The following GRIK3 variants were observed in gnomAD, a reference collection of about 807,000 sequenced individuals.
The protein encoded by GRIK3 is glutamate receptor ionotropic, kainate 3.
Under a neutral mutation model 102.5 loss-of-function variants are expected in GRIK3, and 29 were observed. The ratio of observed to expected loss-of-function variants is 0.28; its 90% CI spans 0.21 to 0.39. GRIK3 has a LOEUF of 0.39. GRIK3 is among the 10% of genes least tolerant of loss of function. GRIK3 has a pLI of 1.00. For synonymous variants in GRIK3, 511 were observed against 504.9 expected, an observed-to-expected ratio of 1.01 and a Z score of -0.16; for missense variants, 908 against 1,252.4, an observed-to-expected ratio of 0.73 and a Z score of 4.15.
chr1:36,872,761 C>G lies in GRIK3; in HGVS notation c.551-392G>C, dbSNP rs1270410477. Among the ~76,000 whole-genome samples the G allele has an allele frequency of 6.6e-6, 1 of 152,200 alleles. No homozygotes were observed. Among genetic ancestry groups the G allele is most frequent in the African/African-American group, 2.4e-5 (1 of 41,442 alleles). On this transcript the variant is annotated intron_variant, in intron 3 of 15. Coordinates refer to ENST00000373091, the MANE Select transcript of GRIK3 (RefSeq NM_000831.4). This position sits in a 1 kb window ranked among gnomAD's most constrained non-coding sequence, Gnocchi z 5.9. ...CTCTAACCCAGAATGGGTGTAAAGC[C>G]TTCAGGGCCTAAATCAGAGTTCACC...
intron 1 of GRIK3, among the ~76,000 whole-genome samples, chr1:37,012,534 C>A (rs1642607848): frequency 6.6e-6 from 1 of 152,138 alleles, no homozygotes; most frequent in Non-Finnish European, 1.5e-5. Context: ...ACGTGCTGGC[C>A]CAGAGTCAGA....
intron 1 of GRIK3, among the ~76,000 whole-genome samples, chr1:36,997,189 G>C (rs1438690840): frequency 6.6e-6 from 1 of 152,182 alleles, no homozygotes; most frequent in African/African-American, 2.4e-5. Flanking sequence ...ACAACCAAAA[G>C]TAGACAAATG....
At chr1:36,818,691 A>G (rs752800117) in intron 12 of GRIK3, among the ~76,000 whole-genome samples, 6 of 152,216 alleles carry the variant, frequency 3.9e-5, no homozygotes, top group African/African-American at 1.2e-4. Flanking sequence ...GGTGCCCAGG[A>G]CACATTGGGA....
chr1:37,020,637 A>G (rs1286232163), intron 1 of GRIK3, among the ~76,000 whole-genome samples: 5 of 149,586 alleles, frequency 3.3e-5, no homozygotes, highest in South Asian at 2.1e-4. Flanking sequence ...TGTGGAAAGG[A>G]AAAAAAAAAG....
At chr1:36,817,315 T>A (rs1326060011) in intron 12 of GRIK3, 38 bp from the exon 13 acceptor site, 1 of 1,378,114 alleles carries the variant, frequency 7.3e-7, no homozygotes, top group East Asian at 2.3e-5. Context: ...CCTTACAACA[T>A]CCAGACTAGC....
rs1419717611 is a variant in GRIK3 at position 36,795,798 on chromosome 1, C to G, written c.*6053G>C. 6.6e-6 allele frequency: 1 copy of G among 152,176 alleles called. No individual in the cohort carries two copies. The highest frequency in any genetic ancestry group is 1.5e-5 in the Non-Finnish European group (1 of 68,044). 9.4% of individuals were successfully genotyped at this position (152,176 alleles called of 1,614,324 possible). A position where few individuals can be genotyped will look rare whatever the true frequency, so the allele number is the denominator to read the frequency against. ...TGGCCCAGAGACCAGTGTGTGGGAA[C>G]CATGTTGAGTGGGAGTGGGGGGCGT... is the stretch of plus-strand genomic sequence containing the variant. On this transcript the variant is annotated 3_prime_UTR_variant, in exon 16 of 16. Transcript: ENST00000373091.
chr1:36,998,979 A>AGAGT, intron 1 of GRIK3, among the ~76,000 whole-genome samples: 1 of 128,296 alleles, frequency 7.8e-6, no homozygotes, highest in East Asian at 2.1e-4. Flanking sequence ...GAACTTTGGA[A>AGAGT]GTGTGTGTGT....
chr1:36,797,494 G>A lies in GRIK3; in HGVS notation c.*4357C>T, dbSNP rs370425893. The A allele has an allele frequency of 6.6e-6, 1 of 152,180 alleles. No homozygotes were observed. Among genetic ancestry groups the A allele is most frequent in the East Asian group, 1.9e-4 (1 of 5,166 alleles). The allele number at this position is 152,180 out of a possible 1,614,324, so 9.4% of individuals were successfully genotyped here. A position where few individuals can be genotyped will look rare whatever the true frequency, so the allele number is the denominator to read the frequency against. On this transcript the variant is annotated 3_prime_UTR_variant, in exon 16 of 16. Transcript: ENST00000373091. ...GGCCCTTCCATGGCAGCCAGCAGCCGGGCCACTTCCAGATGTGTCCACTTG... is the reference window on the plus strand; with the variant it reads ...GGCCCTTCCATGGCAGCCAGCAGCCAGGCCACTTCCAGATGTGTCCACTTG...
At chr1:36,859,698 C>A in intron 6 of GRIK3, 146 bp downstream of exon 6, 1 of 684,940 alleles carries the variant, frequency 1.5e-6, no homozygotes, top group Non-Finnish European at 2.5e-6. Flanking sequence ...TTTGTGTCCC[C>A]AATCCCTAGC....
chr1:36,955,259 C>T (rs1641892177), intron 1 of GRIK3, among the ~76,000 whole-genome samples: 1 of 152,234 alleles, frequency 6.6e-6, no homozygotes, highest in South Asian at 2.1e-4. Context: ...CTGTCATCAA[C>T]CCTGCCAGCA....
Position 37,034,071 on chromosome 1 carries a change from C to G in GRIK3, c.38G>C (p.Trp13Ser), listed in dbSNP as rs1283903442. 6.3e-7 allele frequency: 1 copy of G among 1,599,772 alleles called. No individual in the cohort carries two copies. The highest frequency in any genetic ancestry group is 8.5e-7 in the Non-Finnish European group (1 of 1,174,356). ...APWRRLRSLV[W>S]EYWAGLLVCA... ...CACGAGGAGCCCGGCCCAGTATTCC[C>G]AAACCAGACTCCGGAGGCGCCGCCA... The change falls in exon 1 of 16, where the codon TGG becomes TCG. Residue 13 changes from tryptophan to serine, a missense_variant. Trp to Ser is a radical substitution (Grantham distance 177, BLOSUM62 -3). Around this residue, in one of 3 missense-constraint regions of GRIK3, gnomAD observed 585 missense variants for 824.9 expected, o/e 0.71. Transcript: ENST00000373091.
chr1:36,828,776 G>A (rs908589121), intron 10 of GRIK3, among the ~76,000 whole-genome samples: 4 of 152,204 alleles, frequency 2.6e-5, no homozygotes, highest in Non-Finnish European at 4.4e-5. Flanking sequence ...AGTCAATGGC[G>A]GTGATGAATC....
intron 1 of GRIK3, among the ~76,000 whole-genome samples, chr1:36,942,517 GAGGCTGTT>G (rs1364007589): frequency 1.8e-4 from 27 of 152,174 alleles, no homozygotes; most frequent in African/African-American, 6.5e-4. Context: ...AGGAGCTAGG[GAGGCTGTT>G]CCCTTGCCTG....
intron 3 of GRIK3, among the ~76,000 whole-genome samples, chr1:36,876,011 T>G (rs1255361630): frequency 2.0e-5 from 3 of 152,226 alleles, no homozygotes; most frequent in Non-Finnish European, 4.4e-5. Flanking sequence ...CAGTGAGCTA[T>G]ACAGGATTGT....
At chr1:37,001,784 T>A (rs567828170) in intron 1 of GRIK3, among the ~76,000 whole-genome samples, 1 of 152,056 alleles carries the variant, frequency 6.6e-6, no homozygotes, top group East Asian at 1.9e-4. Flanking sequence ...GATACACAGG[T>A]AGGGGAGAAG....
chr1:36,839,336 G>A lies in GRIK3; in HGVS notation c.1530+2400C>T, dbSNP rs570378164. ...AATAATTATAGTTATTACTAATAAC[G>A]GTGACAACACCACTCCCTTCCGTTT... On this transcript the variant is annotated intron_variant, in intron 10 of 15. Coordinates refer to ENST00000373091, the MANE Select transcript of GRIK3 (RefSeq NM_000831.4). 9.9e-5 allele frequency among the ~76,000 whole-genome samples: 15 copies of A among 152,230 alleles called. No individual in the cohort carries two copies. In the South Asian group the frequency reaches 3.1e-3, roughly 32 times the overall value.
rs531110361 is a variant in GRIK3, at chr1:36,884,187, G to T, written c.293-3296C>A. Among the ~76,000 whole-genome samples, 48 of 152,324 alleles carry T rather than the reference G, an allele frequency of 3.2e-4. No homozygotes were observed. The South Asian group carries it at 1.0e-2, about 32-fold the overall frequency. On this transcript the variant is annotated intron_variant, in intron 2 of 15. Transcript: ENST00000373091. ...CTGTAGTTCTGGGACTGGGAGCCAA[G>T]TCGGGGAAGCACCATCTTGTTCCTG...
chr1:36,903,571 T>G (rs1165281187), intron 1 of GRIK3, among the ~76,000 whole-genome samples: 5 of 152,174 alleles, frequency 3.3e-5, no homozygotes, highest in Admixed American at 2.6e-4. Context: ...AATCAAGATA[T>G]CCTTCAGTAG....
intron 1 of GRIK3, among the ~76,000 whole-genome samples, chr1:36,918,016 T>C (rs1320331858): frequency 6.6e-6 from 1 of 152,250 alleles, no homozygotes; most frequent in Non-Finnish European, 1.5e-5. Context: ...AAAATTTGCA[T>C]GGGCTGTCAG....
Sources: gnomAD v4.1 joint callset for allele counts (sites outside exome capture counted in the v4.1 genomes callset) on GRCh38, gnomAD v4.1.1 for gene constraint, gnomAD v4.1.1 regional missense constraint, Gnocchi (gnomAD v3.1) non-coding constraint, MANE v1.5 for transcripts, NCBI Gene and HGNC (gene_info 2026-07-23, HGNC 2026-07-21) for gene names.